The following FAAH2 variants were observed in gnomAD, a reference collection of about 807,000 sequenced individuals.
FAAH2 encodes the protein fatty-acid amide hydrolase 2.
A neutral mutation model predicts 36.9 loss-of-function variants in FAAH2; 60 were observed. That is an observed-to-expected ratio of 1.63 (90% CI 1.32 to 2.02). The LOEUF is 2.02. FAAH2 is among the 30% of genes most tolerant of loss of function. FAAH2 has a pLI of 0.00. For synonymous variants in FAAH2, 214 were observed against 143.8 expected (o/e 1.49, Z -3.49); for missense variants, 689 against 397.5 (o/e 1.73, Z -6.23).
intron 10 of FAAH2, among the ~76,000 whole-genome samples, chrX:57,451,728 G>A (rs1655411012): frequency 9.0e-6 from 1 of 111,430 alleles, no homozygotes; most frequent in African/African-American, 3.3e-5. Flanking sequence ...GGAGTGAGAG[G>A]AGGAGCATGA....
chrX:57,269,274 T>G, the FAAH2 span, among the ~76,000 whole-genome samples: 1 of 111,271 alleles, frequency 9.0e-6, no homozygotes, highest in Non-Finnish European at 1.9e-5. Context: ...ACAATAATAG[T>G]GGGATATTTT....
intron 5 of FAAH2, among the ~76,000 whole-genome samples, chrX:57,365,326 G>A (rs899213431): frequency 1.8e-5 from 2 of 111,895 alleles, no homozygotes; most frequent in African/African-American, 6.5e-5. Context: ...AGTTAGTTTG[G>A]TAGAATATGA....
the FAAH2 span, among the ~76,000 whole-genome samples, chrX:57,230,434 C>T: frequency 8.9e-6 from 1 of 111,943 alleles, no homozygotes. Context: ...TATAATAACC[C>T]AGGAATTCTG....
the FAAH2 span, among the ~76,000 whole-genome samples, chrX:57,207,986 G>C: frequency 8.9e-6 from 1 of 112,716 alleles, no homozygotes; most frequent in South Asian, 3.6e-4. Context: ...AAAGGAAAAG[G>C]CTCAAATGTA....
the FAAH2 span, among the ~76,000 whole-genome samples, chrX:57,224,846 C>A: frequency 5.3e-5 from 6 of 112,161 alleles, no homozygotes; most frequent in African/African-American, 1.9e-4. Context: ...GGGGTTCAAA[C>A]TGATACAAGA....
upstream of FAAH2, among the ~76,000 whole-genome samples, chrX:57,282,014 G>A (rs1271517739): frequency 2.7e-5 from 3 of 111,929 alleles, no homozygotes; most frequent in African/African-American, 9.7e-5. Flanking sequence ...ATTGTGAATA[G>A]GGCTGCAAAG....
the FAAH2 span, among the ~76,000 whole-genome samples, chrX:57,198,528 G>T: frequency 4.4e-5 from 5 of 112,380 alleles, no homozygotes; most frequent in Non-Finnish European, 9.4e-5. Context: ...TGGCTGTCAG[G>T]CCCCTCTGCT....
At chrX:57,400,046 G>A (rs766791204) in intron 7 of FAAH2, among the ~76,000 whole-genome samples, 190 of 112,295 alleles carry the variant, frequency 1.7e-3, no homozygotes, top group Non-Finnish European at 3.2e-3. Context: ...GTAGGTTTGA[G>A]CAATTACTTG....
chrX:57,253,160 A>T, the FAAH2 span, among the ~76,000 whole-genome samples: 1 of 111,330 alleles, frequency 9.0e-6, no homozygotes, highest in Non-Finnish European at 1.9e-5. Flanking sequence ...TTAAGAAAGG[A>T]TATCAGTGAT....
the FAAH2 span, among the ~76,000 whole-genome samples, chrX:57,157,841 ACTT>A: frequency 4.6e-5 from 5 of 109,575 alleles, no homozygotes; most frequent in African/African-American, 1.7e-4. Flanking sequence ...TTTCTCTTGA[ACTT>A]CTTTCTTTCT....
At chrX:57,306,724 GTGTGTGTA>G (rs202005068) in intron 2 of FAAH2, among the ~76,000 whole-genome samples, 11,447 of 72,866 alleles carry the variant, frequency 0.16, 719 homozygotes, top group African/African-American at 0.3. Context: ...GTGTGTGTGT[GTGTGTGTA>G]TATATATACA....
chrX:57,183,154 C>T, the FAAH2 span, among the ~76,000 whole-genome samples: 1 of 111,004 alleles, frequency 9.0e-6, no homozygotes. Context: ...ATACTACAAA[C>T]CCCCATGACA....
intron 4 of FAAH2, among the ~76,000 whole-genome samples, chrX:57,338,471 C>A (rs1000262251): frequency 3.6e-5 from 4 of 111,781 alleles, no homozygotes; most frequent in Admixed American, 2.9e-4. Flanking sequence ...ATTTTCACTT[C>A]TTTTGTGATT....
chrX:57,249,136 A>G, the FAAH2 span, among the ~76,000 whole-genome samples: 1 of 111,778 alleles, frequency 8.9e-6, no homozygotes, highest in African/African-American at 3.3e-5. Flanking sequence ...ATATTGAAAT[A>G]TGAGTTTGGA....
chrX:57,197,817 G>C, the FAAH2 span, among the ~76,000 whole-genome samples: 1 of 112,190 alleles, frequency 8.9e-6, no homozygotes, highest in Non-Finnish European at 1.9e-5. Context: ...GTCTTTGGCT[G>C]TAGTTTTGTT....
chrX:57,419,642 C>T (rs1462861551), intron 7 of FAAH2, among the ~76,000 whole-genome samples: 18 of 111,356 alleles, frequency 1.6e-4, no homozygotes, highest in South Asian at 1.1e-3. Context: ...GAGTAGGTTG[C>T]GAAAATTTTC....
chrX:57,395,460 G>A lies in FAAH2; in HGVS notation c.996+14431G>A, dbSNP rs1027664561. ...ATGGACACCACCAATATCCTGTTCA[G>A]TTCTTAGGAGGAATGCTTTAACCTT... On this transcript the variant is annotated intron_variant, in intron 7 of 10. Coordinates refer to ENST00000374900, the MANE Select transcript of FAAH2 (RefSeq NM_174912.4). The A allele has an allele frequency of 1.2e-5, 6 of 520,894 alleles. No homozygotes were observed. In the African/African-American group the frequency reaches 1.2e-4, roughly 10 times the overall value. The allele number at this position is 520,894 out of a possible 1,213,427, so 42.9% of individuals were successfully genotyped here.
the FAAH2 span, among the ~76,000 whole-genome samples, chrX:57,167,288 C>T: frequency 2.7e-5 from 3 of 112,100 alleles, no homozygotes; most frequent in Middle Eastern, 4.6e-3. Flanking sequence ...TCACATGGGA[C>T]CATCCCAGTG....
chrX:57,480,290 C>T (rs966532356), intron 10 of FAAH2, among the ~76,000 whole-genome samples: 3 of 111,688 alleles, frequency 2.7e-5, no homozygotes, highest in African/African-American at 9.8e-5. Flanking sequence ...GATACCAAAG[C>T]CGGGCAAAGA....
Sources: allele counts gnomAD v4.1 joint callset (sites outside exome capture counted in the v4.1 genomes callset), GRCh38; gene constraint gnomAD v4.1.1; transcripts MANE v1.5; gene names NCBI Gene and HGNC (gene_info 2026-07-23, HGNC 2026-07-21).